The following CSMD3 variants were observed in gnomAD, a reference collection of about 807,000 sequenced individuals.
The protein encoded by CSMD3 is CUB and Sushi multiple domains 3, also known as CUB and sushi domain-containing protein 3.
Under a neutral mutation model 435.2 loss-of-function variants are expected in CSMD3, and 177 were observed. The ratio of observed to expected loss-of-function variants is 0.41; its 90% CI spans 0.36 to 0.46. The LOEUF (loss-of-function observed/expected upper bound fraction) is 0.46, where lower values mean the gene tolerates loss of function less well. Among genes scored for constraint, CSMD3 ranks in the 20% least tolerant of loss-of-function variants. The pLI is 0.34. For synonymous variants in CSMD3, 1,656 were observed against 1,520.5 expected, an observed-to-expected ratio of 1.09 and a Z score of -2.07; for missense variants, 4,265 against 4,504.6, an observed-to-expected ratio of 0.95 and a Z score of 1.52.
chr8:113,353,298 G>A (rs2094201668), intron 1 of CSMD3, among the ~76,000 whole-genome samples: 1 of 151,254 alleles, frequency 6.6e-6, no homozygotes, highest in Non-Finnish European at 1.5e-5. Context: ...AATAATAGTG[G>A]CCTACTCATA....
chr8:113,116,626 C>T (rs960022795), intron 4 of CSMD3, among the ~76,000 whole-genome samples: 3 of 152,098 alleles, frequency 2.0e-5, no homozygotes, highest in Admixed American at 2.0e-4. Context: ...ATGCTGGAAC[C>T]ACTTGGAGGG....
rs1340969959 is a variant in CSMD3, at chr8:112,912,089, A to T, written c.1633+9538T>A. The stretch of plus-strand genomic sequence containing the variant: ...TTTTTAAGATCAAGGAGTTTTATAT[A>T]TATATATATAACATAACATATATCC... On this transcript the variant is annotated intron_variant, in intron 10 of 70. Transcript: ENST00000297405. Among the ~76,000 whole-genome samples, 3 of 149,214 alleles carry T rather than the reference A, an allele frequency of 2.0e-5. No homozygotes were observed. In the East Asian group the frequency reaches 5.9e-4, roughly 29 times the overall value.
intron 4 of CSMD3, among the ~76,000 whole-genome samples, chr8:113,125,075 T>C (rs769317069): frequency 3.3e-5 from 5 of 152,006 alleles, no homozygotes; most frequent in East Asian, 1.9e-4. Flanking sequence ...GTGTCTTAAG[T>C]TTTGAGTCTT....
chr8:112,973,409 A>C (rs1046899420), intron 7 of CSMD3, among the ~76,000 whole-genome samples: 9 of 151,866 alleles, frequency 5.9e-5, no homozygotes, highest in African/African-American at 1.9e-4. Flanking sequence ...ATTTTACAAA[A>C]TCTATCTTGT....
At chr8:112,651,729 G>T (rs561481978) in intron 18 of CSMD3, among the ~76,000 whole-genome samples, 4 of 152,030 alleles carry the variant, frequency 2.6e-5, no homozygotes, top group Admixed American at 6.5e-5. Flanking sequence ...AGTAGAGACG[G>T]GTTTTACCAT....
intron 4 of CSMD3, among the ~76,000 whole-genome samples, chr8:113,162,561 G>T (rs192506312): frequency 7.9e-6 from 1 of 127,172 alleles, no homozygotes; most frequent in Non-Finnish European, 1.6e-5. Flanking sequence ...GTGAAACTCC[G>T]TCCCCACATC....
At position 112,909,460 on chromosome 8, in the gene CSMD3, C is replaced by G. The variant is rs73702255; in HGVS notation, c.1633+12167G>C. On this transcript the variant is annotated intron_variant, in intron 10 of 70. Coordinates refer to ENST00000297405, the MANE Select transcript of CSMD3 (RefSeq NM_198123.2). ...AAATAAGCCACTAAAGCAAATATTG[C>G]ATAAGTTACATTATCAGTAGATAAT... Among the ~76,000 whole-genome samples the G allele has an allele frequency of 7.7e-3, 1,167 of 151,364 alleles. 20 individuals are homozygous for G. Among genetic ancestry groups the G allele is most frequent in the African/African-American group, 0.027 (1,116 of 41,312 alleles).
intron 2 of CSMD3, among the ~76,000 whole-genome samples, chr8:113,285,708 T>C (rs1350954271): frequency 1.3e-5 from 2 of 152,220 alleles, no homozygotes; most frequent in Non-Finnish European, 2.9e-5. Context: ...ATTTTTAATA[T>C]GTCAAAAATT....
At chr8:112,941,480 A>C (rs1166354273) in intron 9 of CSMD3, among the ~76,000 whole-genome samples, 1 of 151,836 alleles carries the variant, frequency 6.6e-6, no homozygotes, top group Non-Finnish European at 1.5e-5. Flanking sequence ...TTTTCTAAAA[A>C]TGTGTAAATA....
chr8:112,501,981 G>A (rs1822013447), intron 30 of CSMD3, among the ~76,000 whole-genome samples: 1 of 152,042 alleles, frequency 6.6e-6, no homozygotes, highest in Admixed American at 6.6e-5. Flanking sequence ...ATGAAAATAA[G>A]AAATATAAAA....
chr8:113,224,127 A>T (rs759247076), intron 3 of CSMD3, among the ~76,000 whole-genome samples: 6 of 151,248 alleles, frequency 4.0e-5, no homozygotes, highest in Non-Finnish European at 7.4e-5. Context: ...CAAGAAGTCT[A>T]GGTGCTATTC....
chr8:113,364,236 T>C (rs1036958602), intron 1 of CSMD3, among the ~76,000 whole-genome samples: 5 of 148,460 alleles, frequency 3.4e-5, no homozygotes, highest in East Asian at 2.0e-4. Flanking sequence ...CTAAAGGAAT[T>C]AGACTAAATT....
intron 1 of CSMD3, among the ~76,000 whole-genome samples, chr8:113,432,312 C>T (rs1314908716): frequency 1.3e-5 from 2 of 152,112 alleles, no homozygotes; most frequent in African/African-American, 4.8e-5. Flanking sequence ...GGTGCAAAGC[C>T]TCCCCAAAGA....
chr8:113,253,403 G>A (rs140907436), intron 3 of CSMD3, among the ~76,000 whole-genome samples: 10,032 of 151,742 alleles, frequency 0.066, 445 homozygotes, highest in Non-Finnish European at 0.095. Flanking sequence ...GACAGGCCCC[G>A]GTGTGTGATG....
intron 22 of CSMD3, among the ~76,000 whole-genome samples, chr8:112,594,224 G>T (rs1267307075): frequency 6.6e-6 from 1 of 152,192 alleles, no homozygotes; most frequent in Non-Finnish European, 1.5e-5. Context: ...AGGGGTCAGG[G>T]AGTTCCCTTT....
At chr8:112,608,417 C>T (rs1251023168) in intron 22 of CSMD3, among the ~76,000 whole-genome samples, 17 of 152,034 alleles carry the variant, frequency 1.1e-4, no homozygotes, top group Non-Finnish European at 2.9e-5. Context: ...ATTCCAATAG[C>T]ATTTTACACA....
intron 6 of CSMD3, 55 bp from the exon 7 acceptor site, chr8:112,976,203 T>C: frequency 6.3e-7 from 1 of 1,580,660 alleles, no homozygotes; most frequent in Non-Finnish European, 8.7e-7. Context: ...TTTTGTTTAT[T>C]TTTTCTGATA....
intron 13 of CSMD3, among the ~76,000 whole-genome samples, chr8:112,760,841 T>A (rs1188894656): frequency 1.3e-5 from 2 of 152,180 alleles, no homozygotes; most frequent in African/African-American, 4.8e-5. Context: ...GGTTTTCTAG[T>A]TCAAATGCAT....
At chr8:113,378,121 A>G (rs2094397479) in intron 1 of CSMD3, among the ~76,000 whole-genome samples, 1 of 152,178 alleles carries the variant, frequency 6.6e-6, no homozygotes, top group African/African-American at 2.4e-5. Flanking sequence ...AGAAAACATC[A>G]TTTTCTACTA....
Sources: gnomAD v4.1 joint callset for allele counts (sites outside exome capture counted in the v4.1 genomes callset) on GRCh38, gnomAD v4.1.1 for gene constraint, MANE v1.5 for transcripts, NCBI Gene and HGNC (gene_info 2026-07-23, HGNC 2026-07-21) for gene names.